Variants in NRG3 observed in about 807,000 individuals in gnomAD.
NRG3 encodes pro-neuregulin-3, membrane-bound isoform.
In NRG3, 31 loss-of-function variants were observed where a neutral mutation model predicts 66.9. That is an observed-to-expected ratio of 0.46 (90% CI 0.35 to 0.63). NRG3 has a LOEUF of 0.63. Ranked by LOEUF, NRG3 falls within the 20% of genes least tolerant of loss-of-function variation. The probability of loss-of-function intolerance (pLI) is 0.00; values close to 1 mark genes in which losing one functional copy is unlikely to be tolerated. For missense variants in NRG3, 910 were observed against 878.9 expected (o/e 1.04, Z -0.45); for synonymous variants, 393 against 359.4 (o/e 1.09, Z -1.06).
chr10:82,777,093 T>A (rs938034243), intron 3 of NRG3, among the ~76,000 whole-genome samples: 1 of 152,108 alleles, frequency 6.6e-6, no homozygotes, highest in Non-Finnish European at 1.5e-5. Flanking sequence ...CATTTGCAGA[T>A]GGGTCTTAGG....
At chr10:82,970,992 G>T (rs1025863810) in intron 6 of NRG3, among the ~76,000 whole-genome samples, 8 of 152,164 alleles carry the variant, frequency 5.3e-5, no homozygotes, top group Non-Finnish European at 1.2e-4. Flanking sequence ...GCCAACATCT[G>T]CTTCTGGTGA....
At chr10:82,693,919 A>G (rs2055152115) in intron 2 of NRG3, among the ~76,000 whole-genome samples, 1 of 152,202 alleles carries the variant, frequency 6.6e-6, no homozygotes, top group South Asian at 2.1e-4. Flanking sequence ...TGGCATGGCC[A>G]GCTTTTTATT....
intron 2 of NRG3, among the ~76,000 whole-genome samples, chr10:82,609,981 A>G (rs1266956116): frequency 6.6e-6 from 1 of 152,162 alleles, no homozygotes; most frequent in Non-Finnish European, 1.5e-5. Context: ...CTGGGCTTTT[A>G]TCTAGAGGAT....
intron 1 of NRG3, among the ~76,000 whole-genome samples, chr10:82,102,808 G>C (rs1165829801): frequency 6.6e-6 from 1 of 151,338 alleles, no homozygotes; most frequent in Non-Finnish European, 1.5e-5. Context: ...TCTTACTATT[G>C]TAATAAATAT....
chr10:82,313,100 C>T (rs1228436023), intron 1 of NRG3, among the ~76,000 whole-genome samples: 1 of 152,048 alleles, frequency 6.6e-6, no homozygotes, highest in African/African-American at 2.4e-5. Flanking sequence ...ATTCCTTGAG[C>T]TATAGAGGCA....
intron 1 of NRG3, among the ~76,000 whole-genome samples, chr10:82,095,777 C>G (rs1664811349): frequency 1.3e-5 from 2 of 152,268 alleles, no homozygotes; most frequent in South Asian, 4.1e-4. Flanking sequence ...AGCTAAATCT[C>G]AATACTAAGC....
At chr10:82,455,922 T>C (rs992500147) in intron 2 of NRG3, among the ~76,000 whole-genome samples, 5 of 152,088 alleles carry the variant, frequency 3.3e-5, no homozygotes, top group African/African-American at 1.2e-4. Context: ...CTGGCTAGAT[T>C]ACACTAAACT....
At chr10:82,328,417 A>G (rs773241641) in intron 1 of NRG3, among the ~76,000 whole-genome samples, 14 of 152,212 alleles carry the variant, frequency 9.2e-5, no homozygotes, top group Admixed American at 2.0e-4. Context: ...TACAGGGTAC[A>G]TAATGATGTT....
intron 2 of NRG3, among the ~76,000 whole-genome samples, chr10:82,367,007 C>T (rs924056110): frequency 4.6e-5 from 7 of 152,266 alleles, no homozygotes; most frequent in African/African-American, 4.8e-5. Flanking sequence ...AAGGCGTGTT[C>T]GACTCTACCT....
At chr10:82,424,220 T>G (rs1372698360) in intron 2 of NRG3, among the ~76,000 whole-genome samples, 2 of 152,022 alleles carry the variant, frequency 1.3e-5, no homozygotes, top group Admixed American at 6.6e-5. Flanking sequence ...ACTGCCAAAC[T>G]GTTTTCTGTT....
At chr10:82,795,710 T>C (rs1206014375) in intron 3 of NRG3, among the ~76,000 whole-genome samples, 1 of 152,158 alleles carries the variant, frequency 6.6e-6, no homozygotes, top group African/African-American at 2.4e-5. Context: ...CTCAGGTTAC[T>C]TTTTTTAAAG....
At chr10:82,755,238 ATCCT>A in intron 3 of NRG3, among the ~76,000 whole-genome samples, 1 of 152,096 alleles carries the variant, frequency 6.6e-6, no homozygotes, top group Non-Finnish European at 1.5e-5. Flanking sequence ...AGACATATCC[ATCCT>A]TCCTTGTTCC....
intron 2 of NRG3, among the ~76,000 whole-genome samples, chr10:82,667,270 C>T (rs546560854): frequency 1.3e-5 from 2 of 152,248 alleles, no homozygotes; most frequent in South Asian, 4.1e-4. Context: ...TTTACTGAAA[C>T]AGGCACCACC....
intron 2 of NRG3, among the ~76,000 whole-genome samples, chr10:82,548,991 C>T (rs964320283): frequency 1.3e-5 from 2 of 152,148 alleles, no homozygotes; most frequent in African/African-American, 4.8e-5. Flanking sequence ...ACAAAGCCCT[C>T]ACACTGGGCA....
At chr10:82,699,875 G>T (rs1052538101) in intron 2 of NRG3, among the ~76,000 whole-genome samples, 1 of 152,064 alleles carries the variant, frequency 6.6e-6, no homozygotes, top group Non-Finnish European at 1.5e-5. Flanking sequence ...GTGTGTGTGT[G>T]TGTGTGCATT....
At chr10:82,791,974 T>C (rs1037689072) in intron 3 of NRG3, among the ~76,000 whole-genome samples, 4 of 152,126 alleles carry the variant, frequency 2.6e-5, no homozygotes, top group African/African-American at 9.7e-5. Flanking sequence ...GGCTGCTAGA[T>C]TGTTAAATTT....
At chr10:82,941,011 T>C (rs1923578) in intron 4 of NRG3, among the ~76,000 whole-genome samples, 51,815 of 151,706 alleles carry the variant, frequency 0.34, 9,307 homozygotes, top group East Asian at 0.66. Flanking sequence ...GAGTTTCAAG[T>C]AGAAAAAGGG....
chr10:82,908,109 T>C (rs1844931719), intron 4 of NRG3, among the ~76,000 whole-genome samples: 1 of 152,220 alleles, frequency 6.6e-6, no homozygotes, highest in Non-Finnish European at 1.5e-5. Flanking sequence ...GCATCTCACA[T>C]CACAAGAGAC....
intron 1 of NRG3, among the ~76,000 whole-genome samples, chr10:82,074,678 TA>T (rs1162389321): frequency 6.6e-6 from 1 of 152,034 alleles, no homozygotes; most frequent in East Asian, 1.9e-4. Flanking sequence ...AACAAAGTTT[TA>T]AAAAAAGATT....
Sources: allele counts gnomAD v4.1 joint callset (sites outside exome capture counted in the v4.1 genomes callset), GRCh38; gene constraint gnomAD v4.1.1; transcripts MANE v1.5; gene names NCBI Gene and HGNC (gene_info 2026-07-23, HGNC 2026-07-21).